FHDC1: variants seen among roughly 807,000 people sequenced by gnomAD.
FHDC1 encodes FH2 domain-containing protein 1.
FHDC1 carries 25 observed loss-of-function variants against 52.6 expected under a neutral mutation model. The ratio of observed to expected loss-of-function variants is 0.48; its 90% CI spans 0.35 to 0.66. The LOEUF (loss-of-function observed/expected upper bound fraction) is 0.66, where lower values mean the gene tolerates loss of function less well. FHDC1 is among the 30% of genes least tolerant of loss of function. The pLI is 0.01. For synonymous variants in FHDC1, 616 were observed against 581.5 expected (o/e 1.06, Z -0.85); for missense variants, 1,459 against 1,452.8 (o/e 1.00, Z -0.07).
chr4:152,945,749 G>T (rs779441761), intron 2 of FHDC1, among the ~76,000 whole-genome samples: 23 of 152,258 alleles, frequency 1.5e-4, no homozygotes, highest in Non-Finnish European at 3.1e-4. Context: ...GAACCACTGC[G>T]CCTGGCCTAA....
chr4:152,973,978 C>A (rs575689726), intron 11 of FHDC1, among the ~76,000 whole-genome samples: 24 of 152,284 alleles, frequency 1.6e-4, no homozygotes, highest in African/African-American at 5.8e-4. Flanking sequence ...CAGGCTAGGA[C>A]GTGAGAGGCA....
rs1740911874 is a variant in FHDC1 at position 152,976,910 on chromosome 4, G to T, written c.*187G>T. ...ACTGCAGCCTGCTGTGCTGAGCCCTGCTGCAGTCCAGCGTCCAGATGGATG... is the reference window on the plus strand; with the variant it reads ...ACTGCAGCCTGCTGTGCTGAGCCCTTCTGCAGTCCAGCGTCCAGATGGATG... On this transcript the variant is annotated 3_prime_UTR_variant, in exon 12 of 12. Transcript: ENST00000511601. 1.1e-5 allele frequency: 7 copies of T among 661,040 alleles called. No homozygotes were observed. The East Asian group carries it at 2.1e-4, about 19-fold the overall frequency. The allele number at this position is 661,040 out of a possible 1,614,324, so 40.9% of individuals were successfully genotyped here.
chr4:152,915,431 A>G, the FHDC1 span, among the ~76,000 whole-genome samples: 14 of 152,200 alleles, frequency 9.2e-5, no homozygotes, highest in Non-Finnish European at 2.1e-4. Flanking sequence ...TATAGTTCTT[A>G]ATTCAAAGGA....
Position 152,943,389 on chromosome 4 carries a change from G to T in FHDC1, c.332G>T (p.Arg111Leu). ...FWKTIPEEQV[R>L]GKTNIWTLAA... ...AAAACTATTCCGGAGGAGCAAGTTCGAGGCAAAACCAACATCTGGACCTTG... is the reference window on the plus strand; with the variant it reads ...AAAACTATTCCGGAGGAGCAAGTTCTAGGCAAAACCAACATCTGGACCTTG... The change falls in exon 2 of 12, where the codon CGA becomes CTA. Residue 111 changes from arginine (R) to leucine (L), a missense_variant. Physicochemically the swap from Arg to Leu is moderately radical, Grantham distance 102. Transcript: ENST00000511601. The T allele has an allele frequency of 6.2e-7, 1 of 1,613,840 alleles. No homozygotes were observed. The highest frequency in any genetic ancestry group is 8.5e-7 in the Non-Finnish European group (1 of 1,179,992).
chr4:152,966,600 C>T (rs1375855945), intron 9 of FHDC1, among the ~76,000 whole-genome samples: 2 of 152,124 alleles, frequency 1.3e-5, no homozygotes, highest in Non-Finnish European at 2.9e-5. Flanking sequence ...GCTGGGACTA[C>T]AGGCACCCGC....
the FHDC1 span, among the ~76,000 whole-genome samples, chr4:152,923,821 T>C: frequency 8.5e-4 from 129 of 152,234 alleles, no homozygotes; most frequent in East Asian, 4.8e-3. Context: ...AAGCTGAAAC[T>C]GGATCCCTTC....
At chr4:152,973,001 G>A (rs1452585822) in intron 11 of FHDC1, among the ~76,000 whole-genome samples, 1 of 152,166 alleles carries the variant, frequency 6.6e-6, no homozygotes, top group Non-Finnish European at 1.5e-5. Flanking sequence ...CCGTCACTGT[G>A]GGATTGGCAC....
intron 9 of FHDC1, among the ~76,000 whole-genome samples, chr4:152,967,145 G>T: frequency 6.6e-6 from 1 of 152,048 alleles, no homozygotes; most frequent in East Asian, 1.9e-4. Context: ...ATAAAAATCA[G>T]CTGGGCCTGG....
chr4:152,954,445 G>A (rs1270153875), intron 4 of FHDC1, 126 bp downstream of exon 4: 3 of 649,630 alleles, frequency 4.6e-6, no homozygotes, highest in Non-Finnish European at 7.9e-6. Context: ...CCAGCACTTT[G>A]GGAGGCAGAG....
Position 152,949,090 on chromosome 4 carries a change from GTAATAATAATAATAA to G in FHDC1, c.499-4387_499-4373del, listed in dbSNP as rs368429472. On this transcript the variant is annotated intron_variant, in intron 2 of 11. Transcript: ENST00000511601. ...GGCAACAGAGCAAAACCTTGTCTCA[GTAATAATAATAATAA>G]TAATAATAATAATAATAATAAGAAG... is the stretch of plus-strand genomic sequence containing the variant. Among the ~76,000 whole-genome samples, 160 of 117,562 alleles carry G rather than the reference GTAATAATAATAATAA, an allele frequency of 1.4e-3. 2 individuals are homozygous for G. Among genetic ancestry groups the G allele is most frequent in the African/African-American group, 3.0e-3 (89 of 29,812 alleles). 77.1% of individuals were successfully genotyped at this position (117,562 alleles called of 152,430 possible).
intron 4 of FHDC1, 35 bp from the exon 5 acceptor site, chr4:152,960,530 A>G (rs1489321351): frequency 6.5e-7 from 1 of 1,537,656 alleles, no homozygotes; most frequent in African/African-American, 1.4e-5. Flanking sequence ...TTCGTAAGTG[A>G]TTTTATATAC....
chr4:152,922,692 G>T, the FHDC1 span, among the ~76,000 whole-genome samples: 10 of 152,168 alleles, frequency 6.6e-5, no homozygotes, highest in African/African-American at 2.2e-4. Flanking sequence ...GGGATGCAAG[G>T]CTGGTTCAAT....
Position 152,976,211 on chromosome 4 carries a change from C to T in FHDC1, c.2920C>T (p.Pro974Ser). 4.3e-6 allele frequency: 7 copies of T among 1,612,952 alleles called. No individual in the cohort carries two copies. The highest frequency in any genetic ancestry group is 3.3e-5 in the Admixed American group (2 of 60,022). ...CAGCACCCGTCCGGGGAGGGACGTT[C>T]CCCTGCAGCCCAGGGGTTCTTTCAA... is the stretch of plus-strand genomic sequence containing the variant. The part of the protein sequence containing the change: ...SSSTRPGRDV[P>S]LQPRGSFKKP... Residue 974 changes from proline to serine, a missense_variant, in exon 12 of 12, where the codon CCC (proline) becomes TCC (serine). By Grantham distance (74) the Pro-to-Ser change is moderately conservative. Coordinates refer to ENST00000511601, the MANE Select transcript of FHDC1 (RefSeq NM_001371116.1).
chr4:152,974,866 C>T lies in FHDC1; in HGVS notation c.1575C>T (p.Ser525=). 1 of 1,605,344 alleles carries T rather than the reference C, an allele frequency of 6.2e-7. No individual in the cohort carries two copies. Among genetic ancestry groups the T allele is most frequent in the Non-Finnish European group, 8.5e-7 (1 of 1,176,074 alleles). The change falls in exon 12 of 12, where the codon AGC becomes AGT. Residue 525 remains serine, a synonymous_variant. Transcript: ENST00000511601. ...LLPFLHPRPI[S]PSSPSYRPPN... is the part of the protein sequence containing the mutation. Reference sequence around the variant, plus strand: ...CTTTCCTGCACCCCAGGCCCATCAGCCCCTCCAGCCCCTCCTACCGGCCCC... The same window carrying T: ...CTTTCCTGCACCCCAGGCCCATCAGTCCCTCCAGCCCCTCCTACCGGCCCC...
chr4:152,916,310 G>A, the FHDC1 span, among the ~76,000 whole-genome samples: 42 of 152,178 alleles, frequency 2.8e-4, no homozygotes, highest in South Asian at 5.8e-3. Context: ...GGTAATATAG[G>A]GGAACAGCTT....
At chr4:152,922,190 A>G in the FHDC1 span, among the ~76,000 whole-genome samples, 3 of 152,242 alleles carry the variant, frequency 2.0e-5, no homozygotes, top group African/African-American at 7.2e-5. Flanking sequence ...CACTGATCCC[A>G]CAGAAATGCA....
chr4:152,964,026 G>A (rs1740377592), intron 8 of FHDC1, among the ~76,000 whole-genome samples: 1 of 152,014 alleles, frequency 6.6e-6, no homozygotes, highest in Admixed American at 6.5e-5. Context: ...GGACAGGACT[G>A]GGAGATTTTG....
the FHDC1 span, among the ~76,000 whole-genome samples, chr4:152,914,516 T>C: frequency 6.6e-6 from 1 of 152,196 alleles, no homozygotes; most frequent in Non-Finnish European, 1.5e-5. Context: ...ATTAGTATGC[T>C]ATCAGAACTG....
chr4:152,960,350 G>T (rs1164666180), intron 4 of FHDC1, among the ~76,000 whole-genome samples: 2 of 151,980 alleles, frequency 1.3e-5, no homozygotes, highest in African/African-American at 4.8e-5. Flanking sequence ...CATAAGTGAC[G>T]CTAGCTCTTT....
Sources: allele counts gnomAD v4.1 joint callset (sites outside exome capture counted in the v4.1 genomes callset), GRCh38; gene constraint gnomAD v4.1.1; transcripts MANE v1.5; gene names NCBI Gene and HGNC (gene_info 2026-07-23, HGNC 2026-07-21).